Variants in TRERF1 observed in about 807,000 individuals in gnomAD.
TRERF1 encodes transcriptional regulating factor 1, also known as transcriptional-regulating factor 1.
In TRERF1, 27 loss-of-function variants were observed where a neutral mutation model predicts 122.9. That is an observed-to-expected ratio of 0.22 (90% CI 0.16 to 0.30). The LOEUF is 0.30. TRERF1 is among the 10% of genes least tolerant of loss of function. The probability of loss-of-function intolerance (pLI) is 1.00; values close to 1 mark genes in which losing one functional copy is unlikely to be tolerated. For synonymous variants in TRERF1, 636 were observed against 641.7 expected (o/e 0.99, Z 0.13); for missense variants, 1,248 against 1,560.3 (o/e 0.80, Z 3.37).
At chr6:42,255,706 T>G (rs917511302) in intron 12 of TRERF1, among the ~76,000 whole-genome samples, 20 of 152,360 alleles carry the variant, frequency 1.3e-4, no homozygotes, top group African/African-American at 4.8e-4. Flanking sequence ...TAGGAAATAC[T>G]TGAAGGGTAT....
At chr6:42,294,813 G>A (rs1012174919) in intron 4 of TRERF1, among the ~76,000 whole-genome samples, 2 of 152,136 alleles carry the variant, frequency 1.3e-5, no homozygotes. Context: ...AGAGCTAGCT[G>A]ACAAACAGAA....
At chr6:42,435,229 C>T (rs1314385148) in intron 2 of TRERF1, among the ~76,000 whole-genome samples, 4 of 152,082 alleles carry the variant, frequency 2.6e-5, no homozygotes, top group African/African-American at 9.7e-5. Flanking sequence ...CACAAGACTT[C>T]AAAAGGCATA....
intron 2 of TRERF1, among the ~76,000 whole-genome samples, chr6:42,375,659 C>G (rs1774707611): frequency 6.6e-6 from 1 of 152,156 alleles, no homozygotes; most frequent in Non-Finnish European, 1.5e-5. Flanking sequence ...AGGCTACACA[C>G]TGACTGACTA....
At chr6:42,365,208 G>A (rs952123797) in intron 2 of TRERF1, among the ~76,000 whole-genome samples, 1 of 152,108 alleles carries the variant, frequency 6.6e-6, no homozygotes, top group Non-Finnish European at 1.5e-5. Flanking sequence ...TCTGCCCTAG[G>A]TGGCTTACTC....
chr6:42,230,349 C>A (rs556955296), intron 17 of TRERF1, among the ~76,000 whole-genome samples: 1 of 150,958 alleles, frequency 6.6e-6, no homozygotes, highest in East Asian at 1.9e-4. Context: ...TTCCAAGCAA[C>A]GTAAGACTCC....
chr6:42,344,762 C>T (rs1014040039), intron 3 of TRERF1, among the ~76,000 whole-genome samples: 1 of 152,194 alleles, frequency 6.6e-6, no homozygotes, highest in Admixed American at 6.5e-5. Flanking sequence ...TGCCACTTCA[C>T]CTGACCACCT....
At chr6:42,339,476 G>C (rs1766830092) in intron 3 of TRERF1, among the ~76,000 whole-genome samples, 1 of 152,118 alleles carries the variant, frequency 6.6e-6, no homozygotes, top group African/African-American at 2.4e-5. Context: ...TCAGTCCTCA[G>C]GCAGCAACTA....
chr6:42,315,513 A>G (rs554858920), intron 3 of TRERF1, among the ~76,000 whole-genome samples: 1 of 152,224 alleles, frequency 6.6e-6, no homozygotes, highest in East Asian at 1.9e-4. Context: ...CGGCGCTTAG[A>G]GCACAGAAGC....
At chr6:42,356,594 G>C (rs1407558443) in intron 3 of TRERF1, among the ~76,000 whole-genome samples, 1 of 152,184 alleles carries the variant, frequency 6.6e-6, no homozygotes, top group Non-Finnish European at 1.5e-5. Context: ...TTATTTTTAA[G>C]ATGGAGTCTT....
intron 3 of TRERF1, among the ~76,000 whole-genome samples, chr6:42,303,943 T>A (rs148978907): frequency 6.9e-6 from 1 of 144,034 alleles, no homozygotes; most frequent in African/African-American, 2.6e-5. Flanking sequence ...GATGTACAGG[T>A]TTTTCCAAAA....
rs760325516 is a variant in TRERF1, at chr6:42,263,301, G to A, written c.1884+19C>T. The A allele has an allele frequency of 1.9e-6, 3 of 1,603,134 alleles. No individual in the cohort carries two copies. The highest frequency in any genetic ancestry group is 2.6e-6 in the Non-Finnish European group (3 of 1,174,272). On this transcript the variant is annotated intron_variant, in intron 8 of 17. Coordinates refer to ENST00000372922, the Ensembl canonical transcript of TRERF1. This position sits in a 1 kb window ranked among gnomAD's most constrained non-coding sequence, Gnocchi z 5.6. ...GCAGCCCCTTGGGGTGAGTGTGGGGGAGAGAGGGTCATCCTCACGAGCACA... is the reference window on the plus strand; with the variant it reads ...GCAGCCCCTTGGGGTGAGTGTGGGGAAGAGAGGGTCATCCTCACGAGCACA...
At chr6:42,420,828 C>G (rs892223237) in intron 2 of TRERF1, among the ~76,000 whole-genome samples, 1 of 152,070 alleles carries the variant, frequency 6.6e-6, no homozygotes, top group African/African-American at 2.4e-5. Flanking sequence ...TGATCCAATC[C>G]AATCTCCCAC....
intron 2 of TRERF1, among the ~76,000 whole-genome samples, chr6:42,429,250 G>A (rs1405177779): frequency 2.0e-5 from 3 of 151,988 alleles, no homozygotes; most frequent in Non-Finnish European, 4.4e-5. Context: ...TCCATCCTGA[G>A]CACTGGTGTC....
rs572383703 is a variant in TRERF1 at position 42,316,049 on chromosome 6, G to C, written c.-370-15300C>G. ...GAATGAGTTGTTCTCTGCTCCACTG[G>C]GGGTGGGGGCACCTGGACGTCAGGC... On this transcript the variant is annotated intron_variant, in intron 3 of 17. Transcript: ENST00000372922. Among the ~76,000 whole-genome samples, 10 of 152,238 alleles carry C rather than the reference G, an allele frequency of 6.6e-5. No homozygotes were observed. In the East Asian group the frequency reaches 1.5e-3, roughly 24 times the overall value.
chr6:42,293,947 G>T (rs1191259864), intron 4 of TRERF1, among the ~76,000 whole-genome samples: 1 of 152,110 alleles, frequency 6.6e-6, no homozygotes, highest in African/African-American at 2.4e-5. Flanking sequence ...ACCCTGCCTG[G>T]CCTGTCCCAG....
Position 42,269,873 on chromosome 6 carries a change from G to A in TRERF1, c.-258-25C>T. 1 of 554,726 alleles carries A rather than the reference G, an allele frequency of 1.8e-6. No homozygotes were observed. Among genetic ancestry groups the A allele is most frequent in the South Asian group, 4.0e-5 (1 of 25,012 alleles). 34.4% of individuals were successfully genotyped at this position (554,726 alleles called of 1,614,324 possible). On this transcript the variant is annotated intron_variant, in intron 4 of 17. Coordinates refer to ENST00000372922, the Ensembl canonical transcript of TRERF1. This position sits in a 1 kb window ranked among gnomAD's most constrained non-coding sequence, Gnocchi z 4.9. The stretch of plus-strand genomic sequence containing the variant: ...CCTGCAAGGCAAGATGCAAAAGACA[G>A]GAAAGGATTTATTTGGATGTTTTGT...
At chr6:42,258,137 T>A in exon 10 of TRERF1, 2 of 1,614,010 alleles carry the variant, frequency 1.2e-6, no homozygotes, top group Non-Finnish European at 8.5e-7. Flanking sequence ...TTCCTTACGG[T>A]TCAACATCTA....
Position 42,275,452 on chromosome 6 carries a change from G to A in TRERF1, c.-258-5604C>T, listed in dbSNP as rs570209268. On this transcript the variant is annotated intron_variant, in intron 4 of 17. Coordinates refer to ENST00000372922, the Ensembl canonical transcript of TRERF1. This position sits in a 1 kb window ranked among gnomAD's most constrained non-coding sequence, Gnocchi z 4.1. ...CCACGCTCCCACAGAGCCTGTGACC[G>A]CTTTTCCTCTGCACTGACCATGTCA... Among the ~76,000 whole-genome samples, 6 of 152,216 alleles carry A rather than the reference G, an allele frequency of 3.9e-5. No individual in the cohort carries two copies. The highest frequency in any genetic ancestry group is 1.9e-4 in the East Asian group (1 of 5,206).
At chr6:42,353,287 A>G (rs1355370456) in intron 3 of TRERF1, among the ~76,000 whole-genome samples, 2 of 149,696 alleles carry the variant, frequency 1.3e-5, no homozygotes, top group Admixed American at 6.7e-5. Context: ...AGGAAGATGG[A>G]AAAAAAAAAC....
Sources: allele counts gnomAD v4.1 joint callset (sites outside exome capture counted in the v4.1 genomes callset), GRCh38; gene constraint gnomAD v4.1.1; non-coding constraint Gnocchi (gnomAD v3.1); transcripts MANE v1.5; gene names NCBI Gene and HGNC (gene_info 2026-07-23, HGNC 2026-07-21).